CDKL5: variants seen among roughly 807,000 people sequenced by gnomAD.
The protein encoded by CDKL5 is cyclin dependent kinase like 5.
In CDKL5, 8 loss-of-function variants were observed where a neutral mutation model predicts 61.7. That is an observed-to-expected ratio of 0.13 (90% CI 0.08 to 0.23). The LOEUF is 0.23. Ranked by LOEUF, CDKL5 falls within the 10% of genes least tolerant of loss-of-function variation. The pLI is 1.00. For synonymous variants in CDKL5, 275 were observed against 272.3 expected (o/e 1.01, Z -0.10); for missense variants, 440 against 734.5 (o/e 0.60, Z 4.63).
At chrX:18,455,502 T>C (rs901148660) in intron 1 of CDKL5, among the ~76,000 whole-genome samples, 1 of 112,381 alleles carries the variant, frequency 8.9e-6, no homozygotes, top group African/African-American at 3.2e-5. Context: ...CCAAAAACAT[T>C]TGTACTGATG....
chrX:18,455,184 A>G (rs1205308350), intron 1 of CDKL5, among the ~76,000 whole-genome samples: 1 of 111,889 alleles, frequency 8.9e-6, no homozygotes, highest in Non-Finnish European at 1.9e-5. Context: ...ACTAGTGCAG[A>G]ATAATAGATT....
chrX:18,591,393 A>G (rs1410889639), intron 9 of CDKL5, among the ~76,000 whole-genome samples: 1 of 111,357 alleles, frequency 9.0e-6, no homozygotes, highest in Non-Finnish European at 1.9e-5. Context: ...AGTCTGTGGC[A>G]TCAGCATTGA....
chrX:18,487,348 G>A (rs982614639), intron 1 of CDKL5, among the ~76,000 whole-genome samples: 1 of 112,291 alleles, frequency 8.9e-6, no homozygotes, highest in African/African-American at 3.2e-5. Flanking sequence ...CTCTGTCACC[G>A]GAGTGCACTA....
chrX:18,587,858 A>T, intron 8 of CDKL5, 96 bp from the exon 9 acceptor site: 1 of 798,730 alleles, frequency 1.3e-6, no homozygotes, highest in East Asian at 3.2e-5. Context: ...TAAATATACA[A>T]GTGTGCTGCA....
rs1173363955 is a variant in CDKL5 at position 18,640,187 on chromosome X, C to G, written c.*11430C>G. On this transcript the variant is annotated 3_prime_UTR_variant, in exon 18 of 18. Coordinates refer to ENST00000623535, the MANE Select transcript of CDKL5 (RefSeq NM_001323289.2). ...CTCAATAAAGCCGTGACAAAAGTTT[C>G]CAACATGAACTCTTATTTGGAAAGC... 3.6e-5 allele frequency: 4 copies of G among 111,476 alleles called. No homozygotes were observed. Among genetic ancestry groups the G allele is most frequent in the Non-Finnish European group, 7.5e-5 (4 of 53,070 alleles). The allele number at this position is 111,476 out of a possible 1,213,427, so 9.2% of individuals were successfully genotyped here.
intron 2 of CDKL5, among the ~76,000 whole-genome samples, chrX:18,509,246 C>CACACACACACACACACA (rs1555940191): frequency 8.2e-5 from 8 of 97,225 alleles, no homozygotes; most frequent in Non-Finnish European, 1.6e-4. Flanking sequence ...CACACACACA[C>CACACACACACACACACA]CCCTGTCAAG....
At chrX:18,651,734 C>T (rs375699306) in intron 21 of CDKL5, among the ~76,000 whole-genome samples, 6 of 111,984 alleles carry the variant, frequency 5.4e-5, no homozygotes, top group African/African-American at 1.9e-4. Context: ...TGGGGCACTC[C>T]GGCTGGATTT....
intron 1 of CDKL5, among the ~76,000 whole-genome samples, chrX:18,505,762 T>G (rs1922557317): frequency 8.9e-6 from 1 of 112,474 alleles, no homozygotes; most frequent in South Asian, 3.7e-4. Context: ...ATTAAGGTGG[T>G]GTCTGGCAGG....
At chrX:18,603,865 G>C in intron 11 of CDKL5, 37 bp from the exon 12 acceptor site, 12 of 1,203,431 alleles carry the variant, frequency 1.0e-5, no homozygotes, top group Non-Finnish European at 1.4e-5. Flanking sequence ...GTCAGCTATT[G>C]AGGGAAACTG....
chrX:18,426,402 GTCC>G (rs1373110740), intron 1 of CDKL5: 2 of 112,751 alleles, frequency 1.8e-5, no homozygotes, highest in Non-Finnish European at 3.8e-5. Context: ...GAACGAACAG[GTCC>G]TCCTTGCATT....
chrX:18,542,061 T>A (rs1924043302), intron 3 of CDKL5, among the ~76,000 whole-genome samples: 1 of 111,921 alleles, frequency 8.9e-6, no homozygotes, highest in Non-Finnish European at 1.9e-5. Context: ...ACATTTTGGA[T>A]GTTATGTCAT....
chrX:18,577,887 AAG>A (rs1925351866), intron 5 of CDKL5, among the ~76,000 whole-genome samples: 1 of 112,011 alleles, frequency 8.9e-6, no homozygotes, highest in Admixed American at 9.4e-5. Flanking sequence ...TTAATTGAAA[AAG>A]AGAATTCAAA....
chrX:18,460,331 C>T (rs1932254567), intron 1 of CDKL5, among the ~76,000 whole-genome samples: 2 of 110,629 alleles, frequency 1.8e-5, no homozygotes, highest in South Asian at 3.9e-4. Flanking sequence ...CTCAGTATCA[C>T]GAGAACAGTA....
At chrX:18,641,973 C>A, downstream of CDKL5, 1 of 1,206,452 alleles carries the variant, frequency 8.3e-7, no homozygotes, top group Non-Finnish European at 1.1e-6. Context: ...GTGCCAGTCA[C>A]CCCCTGGCAG....
chrX:18,616,499 C>G (rs1035998400), intron 15 of CDKL5, among the ~76,000 whole-genome samples: 1 of 109,661 alleles, frequency 9.1e-6, no homozygotes, highest in Non-Finnish European at 1.9e-5. Flanking sequence ...GTGGCGCATG[C>G]TGGTAATCCC....
At chrX:18,618,556 T>A (rs1405204045) in intron 15 of CDKL5, among the ~76,000 whole-genome samples, 2 of 111,887 alleles carry the variant, frequency 1.8e-5, no homozygotes, top group African/African-American at 3.2e-5. Context: ...TGCAAGAGGG[T>A]TTCATCTCCT....
At chrX:18,647,337 G>A in intron 20 of CDKL5, 1 of 1,210,021 alleles carries the variant, frequency 8.3e-7, no homozygotes, top group Non-Finnish European at 1.1e-6. Context: ...GGCATTCTGG[G>A]AAAGGAAAAA....
In CDKL5 at chrX:18,435,172, G is replaced by T. The variant is rs763332588; in HGVS notation, c.-163+9477G>T. ...ATCTTTCAAAGATTACCAGAGGCTG[G>T]GTCAGATGTGACATATCCTAGAATT... On this transcript the variant is annotated intron_variant, in intron 1 of 17. Transcript: ENST00000623535. 2.4e-4 allele frequency among the ~76,000 whole-genome samples: 27 copies of T among 110,895 alleles called. 1 individual carries two copies. The highest frequency in any genetic ancestry group is 2.0e-3 in the Admixed American group (21 of 10,384).
At chrX:18,601,193 G>C (rs1926166713) in intron 11 of CDKL5, among the ~76,000 whole-genome samples, 1 of 111,539 alleles carries the variant, frequency 9.0e-6, no homozygotes, top group South Asian at 3.8e-4. Context: ...GTGGACTCTT[G>C]TGTTACTTAG....
Sources: allele counts gnomAD v4.1 joint callset (sites outside exome capture counted in the v4.1 genomes callset), GRCh38; gene constraint gnomAD v4.1.1; transcripts MANE v1.5; gene names NCBI Gene and HGNC (gene_info 2026-07-23, HGNC 2026-07-21).